BMPR1B: variants seen among roughly 807,000 people sequenced by gnomAD.
BMPR1B encodes bone morphogenetic protein receptor type 1B, also known as bone morphogenetic protein receptor type-1B.
BMPR1B carries 12 observed loss-of-function variants against 59.1 expected under a neutral mutation model. The ratio of observed to expected loss-of-function variants is 0.20; its 90% CI spans 0.13 to 0.33. The LOEUF is 0.33. BMPR1B is among the 10% of genes least tolerant of loss of function. The probability of loss-of-function intolerance (pLI) is 1.00; values close to 1 mark genes in which losing one functional copy is unlikely to be tolerated. For missense variants in BMPR1B, 550 were observed against 610.9 expected (o/e 0.90, Z 1.05); for synonymous variants, 237 against 207.3 (o/e 1.14, Z -1.23).
chr4:95,064,634 C>T (rs1227789893), intron 3 of BMPR1B, among the ~76,000 whole-genome samples: 1 of 152,096 alleles, frequency 6.6e-6, no homozygotes, highest in Non-Finnish European at 1.5e-5. Flanking sequence ...AATCATGTAT[C>T]TTATAACACC....
chr4:94,926,722 G>T (rs1427152047), intron 2 of BMPR1B, among the ~76,000 whole-genome samples: 1 of 151,998 alleles, frequency 6.6e-6, no homozygotes, highest in Admixed American at 6.6e-5. Flanking sequence ...GTGTGTGTGT[G>T]TTTGTGTAAA....
intron 1 of BMPR1B, among the ~76,000 whole-genome samples, chr4:94,814,645 A>G (rs768474527): frequency 6.6e-6 from 1 of 152,224 alleles, no homozygotes; most frequent in African/African-American, 2.4e-5. Flanking sequence ...TTAATGCATA[A>G]AGAGTGCTTA....
intron 3 of BMPR1B, among the ~76,000 whole-genome samples, chr4:95,060,418 C>G (rs999561379): frequency 1.3e-5 from 2 of 152,156 alleles, no homozygotes; most frequent in Non-Finnish European, 2.9e-5. Flanking sequence ...ATTTTATCAG[C>G]ATGATGTGTT....
chr4:94,765,510 C>T (rs1054691935), intron 1 of BMPR1B, among the ~76,000 whole-genome samples: 4 of 152,114 alleles, frequency 2.6e-5, no homozygotes, highest in Non-Finnish European at 2.9e-5. Flanking sequence ...AATCTTGCCA[C>T]ACAAAAACCT....
At chr4:95,120,610 T>TTTCCTTCCTCCTTCCTTCCTTCCTTCC (rs1732410283) in intron 6 of BMPR1B, among the ~76,000 whole-genome samples, 1 of 122,586 alleles carries the variant, frequency 8.2e-6, no homozygotes, top group Non-Finnish European at 1.8e-5. Context: ...ATAGCCTGCC[T>TTTCCTTCCTCCTTCCTTCCTTCCTTCC]TTCCTTCCTT....
chr4:94,828,821 G>A (rs546653463), intron 1 of BMPR1B, among the ~76,000 whole-genome samples: 129 of 152,206 alleles, frequency 8.5e-4, no homozygotes, highest in Non-Finnish European at 1.6e-3. Context: ...AGATGATTCT[G>A]ATACATGTGA....
intron 2 of BMPR1B, among the ~76,000 whole-genome samples, chr4:94,929,245 A>T (rs1729002025): frequency 6.6e-6 from 1 of 152,092 alleles, no homozygotes; most frequent in African/African-American, 2.4e-5. Context: ...GGATAGTGGC[A>T]TGTCTTAAAA....
intron 2 of BMPR1B, among the ~76,000 whole-genome samples, chr4:94,900,065 C>T (rs1727750187): frequency 6.6e-6 from 1 of 151,660 alleles, no homozygotes; most frequent in African/African-American, 2.4e-5. Flanking sequence ...AAATAACCTG[C>T]CAGTTCTAAT....
At chr4:94,798,622 C>T (rs1033442735) in intron 1 of BMPR1B, among the ~76,000 whole-genome samples, 2 of 152,134 alleles carry the variant, frequency 1.3e-5, no homozygotes, top group Non-Finnish European at 1.5e-5. Flanking sequence ...TACTGACAGA[C>T]CTTCAGCAGG....
chr4:94,905,758 T>C (rs770989504), intron 2 of BMPR1B, among the ~76,000 whole-genome samples: 1 of 152,012 alleles, frequency 6.6e-6, no homozygotes, highest in Non-Finnish European at 1.5e-5. Flanking sequence ...AGGCTAACTT[T>C]ATCACTGCTG....
intron 3 of BMPR1B, among the ~76,000 whole-genome samples, chr4:95,068,575 A>G (rs1248692424): frequency 8.5e-5 from 13 of 152,156 alleles, no homozygotes; most frequent in Admixed American, 8.5e-4. Flanking sequence ...ATAACCTGCA[A>G]TGAGGGCTGG....
At chr4:94,898,530 G>A (rs900796415) in intron 2 of BMPR1B, among the ~76,000 whole-genome samples, 1 of 151,966 alleles carries the variant, frequency 6.6e-6, no homozygotes, top group African/African-American at 2.4e-5. Context: ...CCTTTGCTCA[G>A]CGTTTCTTTT....
chr4:94,919,024 A>G (rs1006619600), intron 2 of BMPR1B, among the ~76,000 whole-genome samples: 6 of 152,274 alleles, frequency 3.9e-5, no homozygotes, highest in Admixed American at 2.0e-4. Flanking sequence ...AGGTATTTAT[A>G]TTGAATCCCA....
intron 1 of BMPR1B, among the ~76,000 whole-genome samples, chr4:94,779,187 T>A (rs1722498294): frequency 1.3e-5 from 2 of 152,098 alleles, no homozygotes; most frequent in African/African-American, 4.8e-5. Flanking sequence ...TCCAATTCTA[T>A]TTTTTTCCAT....
intron 2 of BMPR1B, among the ~76,000 whole-genome samples, chr4:94,951,213 T>C (rs527501945): frequency 6.6e-5 from 10 of 152,336 alleles, no homozygotes; most frequent in African/African-American, 2.4e-4. Context: ...TCATGTCATC[T>C]GCAAACAGAG....
intron 2 of BMPR1B, among the ~76,000 whole-genome samples, chr4:94,886,640 A>ATTTCAGGACCTCCTC (rs1727180638): frequency 2.6e-5 from 4 of 152,234 alleles, no homozygotes; most frequent in Non-Finnish European, 5.9e-5. Context: ...CCCAATGGAT[A>ATTTCAGGACCTCCTC]TGAAATTAAT....
chr4:94,945,226 G>T (rs1729662720), intron 2 of BMPR1B, among the ~76,000 whole-genome samples: 1 of 152,158 alleles, frequency 6.6e-6, no homozygotes, highest in Non-Finnish European at 1.5e-5. Context: ...GTTGAATTGT[G>T]TTTTGAAACT....
At position 94,949,568 on chromosome 4, in the gene BMPR1B, G is replaced by A. The variant is rs1200996831; in HGVS notation, c.-112-46472G>A. 2.7e-4 allele frequency among the ~76,000 whole-genome samples: 14 copies of A among 51,088 alleles called. 2 individuals are homozygous for A. The highest frequency in any genetic ancestry group is 1.6e-3 in the South Asian group (2 of 1,224). The allele number at this position is 51,088 out of a possible 152,430, so 33.5% of individuals were successfully genotyped here. ...CCTGACCTCGTGATCCACCCGCCTC[G>A]GCCTCCCAAAGTGCTGGGATTACAG... On this transcript the variant is annotated intron_variant, in intron 2 of 12. Transcript: ENST00000515059.
chr4:95,029,204 G>T (rs1327346625), intron 3 of BMPR1B, among the ~76,000 whole-genome samples: 2 of 151,154 alleles, frequency 1.3e-5, no homozygotes, highest in Non-Finnish European at 2.9e-5. Context: ...CCATTAACTC[G>T]TCATTTAGCA....
Sources: allele counts gnomAD v4.1 joint callset (sites outside exome capture counted in the v4.1 genomes callset), GRCh38; gene constraint gnomAD v4.1.1; transcripts MANE v1.5; gene names NCBI Gene and HGNC (gene_info 2026-07-23, HGNC 2026-07-21).